The following WDR72 variants were observed in gnomAD, a reference collection of about 807,000 sequenced individuals.
WDR72 encodes the protein WD repeat domain 72.
Under a neutral mutation model 124.2 loss-of-function variants are expected in WDR72, and 120 were observed. The ratio of observed to expected loss-of-function variants is 0.97; its 90% CI spans 0.83 to 1.12. The LOEUF (loss-of-function observed/expected upper bound fraction) is 1.12. Among genes scored for constraint, WDR72 ranks in the 50% most tolerant of loss-of-function variants. The pLI is 0.00. For missense variants in WDR72, 1,387 were observed against 1,278.8 expected (o/e 1.08, Z -1.29); for synonymous variants, 452 against 441.7 (o/e 1.02, Z -0.29).
At chr15:53,603,110 C>A (rs963446001) in intron 17 of WDR72, among the ~76,000 whole-genome samples, 5 of 151,964 alleles carry the variant, frequency 3.3e-5, no homozygotes, top group East Asian at 1.9e-4. Flanking sequence ...CAAACCAAAT[C>A]CAGCAGCATA....
chr15:53,715,360 T>C lies in WDR72; in HGVS notation c.347A>G (p.His116Arg), dbSNP rs1212123872. 11 of 1,614,126 alleles carry C rather than the reference T, an allele frequency of 6.8e-6. No individual in the cohort carries two copies. The highest frequency in any genetic ancestry group is 7.6e-6 in the Non-Finnish European group (9 of 1,179,994). Residue 116 changes from histidine to arginine, a missense_variant, in exon 5 of 20, where the codon CAC becomes CGC. By Grantham distance (29) the His-to-Arg change is conservative (BLOSUM62 0). Transcript: ENST00000360509. Reference protein sequence around the residue: ...PYRHTAICYYHCSFRMTGEGW... With the variant: ...PYRHTAICYYRCSFRMTGEGW... The stretch of plus-strand genomic sequence containing the variant: ...TTCTCCTGTCATCCGGAATGAGCAG[T>C]GGTAATACTACGTACATGGAAAGCA...
intron 13 of WDR72, among the ~76,000 whole-genome samples, chr15:53,666,430 A>C: frequency 6.6e-6 from 1 of 152,210 alleles, no homozygotes; most frequent in East Asian, 1.9e-4. Flanking sequence ...AAAGTATAAA[A>C]TAGACCAAAA....
intron 17 of WDR72, among the ~76,000 whole-genome samples, chr15:53,606,419 T>G (rs553270120): frequency 3.9e-5 from 6 of 152,170 alleles, no homozygotes; most frequent in Non-Finnish European, 7.3e-5. Context: ...ATTCACTCAT[T>G]AAATATGTAT....
At chr15:53,638,432 G>A (rs1257798955) in intron 14 of WDR72, among the ~76,000 whole-genome samples, 1 of 152,124 alleles carries the variant, frequency 6.6e-6, no homozygotes, top group Non-Finnish European at 1.5e-5. Flanking sequence ...AACAATGACA[G>A]ATTTCTACTC....
At chr15:53,517,892 G>T (rs1891551512) in intron 19 of WDR72, 138 bp from the exon 20 acceptor site, 3 of 799,880 alleles carry the variant, frequency 3.8e-6, no homozygotes, top group Non-Finnish European at 6.3e-6. Context: ...AGGAAAAAAA[G>T]AAAGAAAGGA....
rs1373287221 is a variant in WDR72 at position 53,616,193 on chromosome 15, C to T, written c.2013G>A (p.Lys671=). The change falls in exon 15 of 20, where the codon AAG becomes AAA. Residue 671 remains lysine, a synonymous_variant. Transcript: ENST00000360509. ...CPRPFNVLPV[K]TKWSNVGFHI... ...GAAAGCCAACGTTACTCCATTTTGT[C>T]TTCACAGGCAAGACATTAAAAGGTC... 1.2e-6 allele frequency: 2 copies of T among 1,605,540 alleles called. No individual in the cohort carries two copies. Among genetic ancestry groups the T allele is most frequent in the Non-Finnish European group, 1.7e-6 (2 of 1,178,732 alleles).
chr15:53,714,603 C>T (rs1372763057), intron 5 of WDR72, 93 bp from the exon 6 acceptor site: 3 of 959,124 alleles, frequency 3.1e-6, no homozygotes, highest in Non-Finnish European at 4.9e-6. Context: ...TTACGCAGGG[C>T]TGTGTAGATA....
rs774808757 is a variant in WDR72, at chr15:53,517,804, A to C, written c.3254-50T>G. ...GTTATATGGTGAAATCTAAAAAGAG[A>C]AAAAAGAGAAAGACCAAGAGGAGGG... On this transcript the variant is annotated intron_variant, in intron 19 of 19. Coordinates refer to ENST00000360509, the MANE Select transcript of WDR72 (RefSeq NM_182758.4). 3.8e-6 allele frequency: 6 copies of C among 1,579,604 alleles called. No individual in the cohort carries two copies. The African/African-American group carries it at 8.1e-5, about 21-fold the overall frequency.
intron 18 of WDR72, among the ~76,000 whole-genome samples, chr15:53,533,837 G>A (rs1486802771): frequency 6.6e-6 from 1 of 152,122 alleles, no homozygotes; most frequent in African/African-American, 2.4e-5. Flanking sequence ...AGACTTAGCT[G>A]AAATTTCACC....
intron 2 of WDR72, among the ~76,000 whole-genome samples, chr15:53,730,527 G>A (rs1242481548): frequency 2.0e-5 from 3 of 152,116 alleles, no homozygotes; most frequent in Non-Finnish European, 4.4e-5. Context: ...CACAGAACCT[G>A]ATGTATTCTC....
chr15:53,552,304 T>A (rs1486500226), intron 18 of WDR72, among the ~76,000 whole-genome samples: 1 of 152,156 alleles, frequency 6.6e-6, no homozygotes, highest in Non-Finnish European at 1.5e-5. Context: ...GGATGCTACA[T>A]ATTCTCCACT....
chr15:53,639,997 C>T (rs994438983), intron 14 of WDR72, among the ~76,000 whole-genome samples: 1 of 152,126 alleles, frequency 6.6e-6, no homozygotes, highest in Non-Finnish European at 1.5e-5. Context: ...TAACATTCTC[C>T]TTCTAGTAAC....
intron 2 of WDR72, among the ~76,000 whole-genome samples, chr15:53,729,715 C>T (rs2018145073): frequency 6.6e-6 from 1 of 152,094 alleles, no homozygotes; most frequent in South Asian, 2.1e-4. Flanking sequence ...TTCTTTAGAA[C>T]TCAGCTCAAG....
intron 9 of WDR72, 82 bp downstream of exon 9, chr15:53,710,775 T>C: frequency 9.3e-6 from 11 of 1,185,210 alleles, no homozygotes; most frequent in Non-Finnish European, 1.4e-5. Context: ...TTTTCAAGCC[T>C]GATTCTGTGA....
At chr15:53,609,476 T>C in intron 17 of WDR72, 37 bp downstream of exon 17, 3 of 1,568,758 alleles carry the variant, frequency 1.9e-6, no homozygotes, top group Non-Finnish European at 2.6e-6. Flanking sequence ...AGCAAGGAAC[T>C]CTTCTAATAA....
chr15:53,521,728 T>G (rs2414241), intron 19 of WDR72, among the ~76,000 whole-genome samples: 29,711 of 152,004 alleles, frequency 0.2, 3,215 homozygotes, highest in East Asian at 0.34. Flanking sequence ...TCAAAAACAA[T>G]GGACATTTAG....
intron 13 of WDR72, among the ~76,000 whole-genome samples, chr15:53,668,904 C>CAAA (rs10640900): frequency 4.2e-5 from 3 of 70,904 alleles, no homozygotes; most frequent in East Asian, 5.4e-4. Flanking sequence ...GACCTCGTCT[C>CAAA]AAAAAAAAAA....
intron 18 of WDR72, among the ~76,000 whole-genome samples, chr15:53,526,793 C>A (rs2140220786): frequency 6.6e-6 from 1 of 152,180 alleles, no homozygotes; most frequent in South Asian, 2.1e-4. Context: ...GGTTGCTAGA[C>A]TTATCTTTAG....
At chr15:53,740,312 T>C (rs1427802978) in intron 1 of WDR72, among the ~76,000 whole-genome samples, 2 of 150,336 alleles carry the variant, frequency 1.3e-5, no homozygotes, top group Non-Finnish European at 3.0e-5. Flanking sequence ...AACTAATTTT[T>C]TTTTTTTTTT....
Sources: allele counts gnomAD v4.1 joint callset (sites outside exome capture counted in the v4.1 genomes callset), GRCh38; gene constraint gnomAD v4.1.1; transcripts MANE v1.5; gene names NCBI Gene and HGNC (gene_info 2026-07-23, HGNC 2026-07-21).